The following TNFRSF19 variants were observed in gnomAD, a reference collection of about 807,000 sequenced individuals.
TNFRSF19 encodes the protein TNF receptor superfamily member 19, also known as tumor necrosis factor receptor superfamily member 19.
TNFRSF19 carries 27 observed loss-of-function variants against 46.4 expected under a neutral mutation model. The ratio of observed to expected loss-of-function variants is 0.58; its 90% CI spans 0.43 to 0.80. The LOEUF (loss-of-function observed/expected upper bound fraction) is 0.80, where lower values mean the gene tolerates loss of function less well. Among genes scored for constraint, TNFRSF19 ranks in the 30% least tolerant of loss-of-function variants. The pLI is 0.00. For synonymous variants in TNFRSF19, 204 were observed against 205.0 expected (o/e 1.00, Z 0.04); for missense variants, 511 against 530.8 (o/e 0.96, Z 0.37).
chr13:23,638,662 T>C (rs1311832415), intron 5 of TNFRSF19, among the ~76,000 whole-genome samples: 1 of 152,170 alleles, frequency 6.6e-6, no homozygotes, highest in Non-Finnish European at 1.5e-5. Flanking sequence ...TCAGCCCCTG[T>C]AGCAGCTTCC....
intron 5 of TNFRSF19, among the ~76,000 whole-genome samples, chr13:23,650,784 G>A (rs1952201235): frequency 6.6e-6 from 1 of 152,154 alleles, no homozygotes; most frequent in African/African-American, 2.4e-5. Flanking sequence ...ATAAATGGAA[G>A]AGCAAACAGA....
chr13:23,639,733 G>A lies in TNFRSF19; in HGVS notation c.445+12941G>A, dbSNP rs529574562. 8.1e-4 allele frequency among the ~76,000 whole-genome samples: 124 copies of A among 152,348 alleles called. 1 individual carries two copies. The Middle Eastern group carries it at 0.01, about 13-fold the overall frequency. On this transcript the variant is annotated intron_variant, in intron 5 of 9. Transcript: ENST00000248484. ...GCGTGCCCTGACCCGGCCCTGGAGG[G>A]AGCGGGCGACAGTGAGAACTGAGGC...
intron 5 of TNFRSF19, among the ~76,000 whole-genome samples, chr13:23,630,998 C>A (rs182424029): frequency 6.6e-6 from 1 of 152,116 alleles, no homozygotes; most frequent in Admixed American, 6.5e-5. Context: ...AAAGCCTGAG[C>A]TGGGCTGACC....
At chr13:23,626,187 C>CTGTGTGTGTGTGTGTGTG (rs35509472) in intron 4 of TNFRSF19, among the ~76,000 whole-genome samples, 87 of 145,566 alleles carry the variant, frequency 6.0e-4, no homozygotes, top group African/African-American at 1.9e-3. Context: ...TCTTTAAAAT[C>CTGTGTGTGTGTGTGTGTG]TGTGTGTGTG....
chr13:23,599,359 T>C (rs1879963201), intron 3 of TNFRSF19, among the ~76,000 whole-genome samples: 1 of 152,212 alleles, frequency 6.6e-6, no homozygotes, highest in African/African-American at 2.4e-5. Flanking sequence ...AAGAGATTTA[T>C]TCTGAGCCAA....
chr13:23,579,785 G>T (rs1360710768), intron 1 of TNFRSF19, among the ~76,000 whole-genome samples: 2 of 152,062 alleles, frequency 1.3e-5, no homozygotes, highest in African/African-American at 4.8e-5. Flanking sequence ...CCCCGCGGGC[G>T]ACGCGAGCGA....
intron 3 of TNFRSF19, among the ~76,000 whole-genome samples, chr13:23,597,487 G>C (rs1879816977): frequency 6.6e-6 from 1 of 152,126 alleles, no homozygotes; most frequent in African/African-American, 2.4e-5. Flanking sequence ...AAATAAATTA[G>C]AAAATCTAGA....
intron 7 of TNFRSF19, among the ~76,000 whole-genome samples, chr13:23,663,033 GCT>G (rs1369867793): frequency 6.6e-6 from 1 of 152,104 alleles, no homozygotes; most frequent in African/African-American, 2.4e-5. Flanking sequence ...GATTGCCCTG[GCT>G]AGGATTTCCC....
At chr13:23,612,279 A>G (rs1880959634) in intron 3 of TNFRSF19, among the ~76,000 whole-genome samples, 1 of 152,128 alleles carries the variant, frequency 6.6e-6, no homozygotes, top group Non-Finnish European at 1.5e-5. Context: ...TATTTATTGA[A>G]CTTAATGGGG....
chr13:23,599,214 G>C (rs887542461), intron 3 of TNFRSF19, among the ~76,000 whole-genome samples: 1 of 152,206 alleles, frequency 6.6e-6, no homozygotes, highest in Non-Finnish European at 1.5e-5. Flanking sequence ...AGATTTTTCT[G>C]TGTGGGGTGT....
At chr13:23,582,974 C>T (rs1232171709) in intron 1 of TNFRSF19, among the ~76,000 whole-genome samples, 1 of 152,174 alleles carries the variant, frequency 6.6e-6, no homozygotes, top group Non-Finnish European at 1.5e-5. Flanking sequence ...TGTTTATGGA[C>T]ACATGGTTGT....
At chr13:23,649,520 C>T (rs1121114) in intron 5 of TNFRSF19, among the ~76,000 whole-genome samples, 80,159 of 151,294 alleles carry the variant, frequency 0.53, 21,880 homozygotes, top group East Asian at 0.69. Flanking sequence ...TTGTTTTTTT[C>T]TTCCATTATT....
chr13:23,644,896 T>G (rs750847259), intron 5 of TNFRSF19, among the ~76,000 whole-genome samples: 3 of 152,204 alleles, frequency 2.0e-5, no homozygotes, highest in Non-Finnish European at 2.9e-5. Flanking sequence ...AGGAAAAGGA[T>G]GCAAATCCTA....
Position 23,593,331 on chromosome 13 carries a change from AT to A in TNFRSF19, c.70-4del, listed in dbSNP as rs751648047. 790 of 1,366,666 alleles carry A rather than the reference AT, an allele frequency of 5.8e-4. No homozygotes were observed. The highest frequency in any genetic ancestry group is 8.4e-4 in the Admixed American group (34 of 40,336). The allele number at this position is 1,366,666 out of a possible 1,614,324, so 84.7% of individuals were successfully genotyped here. Reference sequence around the variant, plus strand: ...ATACTTTAAGATAACATTTTGTTAAATTTTTTTTTTCAGTCATGTAAAGTGA... The same window carrying A: ...ATACTTTAAGATAACATTTTGTTAAATTTTTTTTTCAGTCATGTAAAGTGA... On this transcript the variant is annotated splice_polypyrimidine_tract_variant and intron_variant, in intron 2 of 9. Coordinates refer to ENST00000248484, the MANE Select transcript of TNFRSF19 (RefSeq NM_148957.4).
intron 6 of TNFRSF19, 28 bp from the exon 7 acceptor site, chr13:23,660,337 C>T: frequency 1.9e-6 from 3 of 1,604,188 alleles, no homozygotes; most frequent in Non-Finnish European, 2.6e-6. Context: ...GACTGTGTTC[C>T]CTGACAGAGT....
chr13:23,591,939 A>G (rs188271824), intron 2 of TNFRSF19, among the ~76,000 whole-genome samples: 248 of 151,940 alleles, frequency 1.6e-3, no homozygotes, highest in Non-Finnish European at 1.9e-3. Flanking sequence ...GTTGGCCAGG[A>G]TGGTCTCAAT....
intron 1 of TNFRSF19, among the ~76,000 whole-genome samples, chr13:23,580,514 G>A (rs1878336084): frequency 6.6e-6 from 1 of 152,240 alleles, no homozygotes; most frequent in African/African-American, 2.4e-5. Context: ...ATGCAAAAGG[G>A]AGGATTACAT....
At chr13:23,605,253 C>T (rs946083801) in intron 3 of TNFRSF19, among the ~76,000 whole-genome samples, 4 of 152,110 alleles carry the variant, frequency 2.6e-5, no homozygotes, top group Non-Finnish European at 5.9e-5. Flanking sequence ...ATTTAAGCAA[C>T]GCGATATCAC....
At chr13:23,638,924 A>G (rs926036278) in intron 5 of TNFRSF19, among the ~76,000 whole-genome samples, 2 of 152,228 alleles carry the variant, frequency 1.3e-5, no homozygotes, top group African/African-American at 4.8e-5. Context: ...ATTAATACAC[A>G]TGCACATCAT....
Sources: gnomAD v4.1 joint callset for allele counts (sites outside exome capture counted in the v4.1 genomes callset) on GRCh38, gnomAD v4.1.1 for gene constraint, MANE v1.5 for transcripts, NCBI Gene and HGNC (gene_info 2026-07-23, HGNC 2026-07-21) for gene names.